MAGI2: variants seen among roughly 807,000 people sequenced by gnomAD.
MAGI2 encodes membrane-associated guanylate kinase, WW and PDZ domain-containing protein 2.
In MAGI2, 35 loss-of-function variants were observed where a neutral mutation model predicts 133.3. The observed-to-expected ratio is 0.26, with a 90% CI of 0.20 to 0.35. The LOEUF (loss-of-function observed/expected upper bound fraction) is 0.35, where lower values mean the gene tolerates loss of function less well. MAGI2 is among the 10% of genes least tolerant of loss of function. The pLI is 1.00. For missense variants in MAGI2, 1,636 were observed against 1,863.4 expected (o/e 0.88, Z 2.25); for synonymous variants, 729 against 710.6 (o/e 1.03, Z -0.41).
At chr7:79,226,352 G>A (rs1830854183) in intron 1 of MAGI2, among the ~76,000 whole-genome samples, 2 of 152,040 alleles carry the variant, frequency 1.3e-5, no homozygotes, top group Non-Finnish European at 2.9e-5. Flanking sequence ...AGCATTGCAA[G>A]GGAATGTTTA....
intron 2 of MAGI2, among the ~76,000 whole-genome samples, chr7:78,850,948 T>C (rs1051631889): frequency 2.0e-5 from 3 of 152,152 alleles, no homozygotes; most frequent in African/African-American, 7.2e-5. Context: ...ATTTTCACTA[T>C]ATTTTAAACA....
chr7:79,350,855 G>A (rs1400652153), intron 1 of MAGI2, among the ~76,000 whole-genome samples: 4 of 152,084 alleles, frequency 2.6e-5, no homozygotes, highest in Non-Finnish European at 5.9e-5. Flanking sequence ...TTAAGAAAAG[G>A]ACCTCAAAAG....
At chr7:79,062,525 G>A (rs964781518) in intron 1 of MAGI2, among the ~76,000 whole-genome samples, 1 of 152,026 alleles carries the variant, frequency 6.6e-6, no homozygotes, top group Non-Finnish European at 1.5e-5. Context: ...TTCATTGAAT[G>A]GAAATGGTGA....
chr7:79,175,719 G>A (rs1826033568), intron 1 of MAGI2, among the ~76,000 whole-genome samples: 1 of 152,016 alleles, frequency 6.6e-6, no homozygotes, highest in Non-Finnish European at 1.5e-5. Context: ...TGTACAGCAT[G>A]TTACTGTACT....
At chr7:78,103,773 T>A (rs1315177757) in intron 20 of MAGI2, among the ~76,000 whole-genome samples, 1 of 152,256 alleles carries the variant, frequency 6.6e-6, no homozygotes, top group African/African-American at 2.4e-5. Flanking sequence ...AAAAGTACAG[T>A]GCACATGAAT....
intron 1 of MAGI2, among the ~76,000 whole-genome samples, chr7:79,066,312 T>C (rs911578603): frequency 9.3e-5 from 14 of 151,336 alleles, no homozygotes; most frequent in Non-Finnish European, 1.5e-4. Context: ...ATTTCTTTAA[T>C]GACCAGTGAT....
At chr7:78,940,035 A>G (rs187823342) in intron 2 of MAGI2, among the ~76,000 whole-genome samples, 1 of 152,176 alleles carries the variant, frequency 6.6e-6, no homozygotes, top group South Asian at 2.1e-4. Flanking sequence ...GAAAAAACAA[A>G]ACCAATATAA....
intron 21 of MAGI2, among the ~76,000 whole-genome samples, chr7:78,027,722 T>C (rs937856827): frequency 1.3e-5 from 2 of 151,994 alleles, no homozygotes; most frequent in Non-Finnish European, 2.9e-5. Context: ...GATAGTACTA[T>C]CTACTTAAAA....
intron 9 of MAGI2, among the ~76,000 whole-genome samples, chr7:78,313,313 A>C (rs1369519842): frequency 1.3e-5 from 2 of 152,146 alleles, no homozygotes; most frequent in Non-Finnish European, 2.9e-5. Flanking sequence ...TCTATGTAAC[A>C]AAATTGTACT....
At chr7:79,447,249 A>G (rs188812812) in intron 1 of MAGI2, among the ~76,000 whole-genome samples, 1 of 152,150 alleles carries the variant, frequency 6.6e-6, no homozygotes, top group African/African-American at 2.4e-5. Context: ...AGTCTTTAAC[A>G]ATGTAAATTC....
chr7:78,604,254 G>A (rs1035613664), intron 3 of MAGI2, among the ~76,000 whole-genome samples: 4 of 152,320 alleles, frequency 2.6e-5, no homozygotes, highest in African/African-American at 9.6e-5. Context: ...GGATGGCCCT[G>A]AGATGGAAGA....
intron 1 of MAGI2, among the ~76,000 whole-genome samples, chr7:79,180,312 A>C (rs551309201): frequency 1.3e-5 from 2 of 152,122 alleles, no homozygotes; most frequent in African/African-American, 4.8e-5. Context: ...AGACATACTC[A>C]AGACTAGGCA....
At chr7:78,080,069 C>T (rs575409235) in intron 20 of MAGI2, among the ~76,000 whole-genome samples, 7 of 152,204 alleles carry the variant, frequency 4.6e-5, no homozygotes, top group Non-Finnish European at 8.8e-5. Context: ...TAGAAAAACT[C>T]TTTATAGCTA....
At chr7:78,678,156 A>T (rs768963274) in intron 2 of MAGI2, among the ~76,000 whole-genome samples, 1 of 152,120 alleles carries the variant, frequency 6.6e-6, no homozygotes, top group Non-Finnish European at 1.5e-5. Context: ...ACTAGTGGAA[A>T]ACTAATTTCG....
At chr7:79,349,353 A>C (rs1423456899) in intron 1 of MAGI2, among the ~76,000 whole-genome samples, 5 of 151,900 alleles carry the variant, frequency 3.3e-5, no homozygotes, top group Non-Finnish European at 2.9e-5. Context: ...TCTGGTTGCT[A>C]TTTCTATCTT....
At chr7:79,215,599 G>T (rs974744611) in intron 1 of MAGI2, among the ~76,000 whole-genome samples, 1 of 151,870 alleles carries the variant, frequency 6.6e-6, no homozygotes, top group Non-Finnish European at 1.5e-5. Context: ...TTCCCAATCA[G>T]AAAATCTTTG....
At chr7:78,431,667 C>T (rs1301024993) in intron 6 of MAGI2, among the ~76,000 whole-genome samples, 2 of 152,058 alleles carry the variant, frequency 1.3e-5, no homozygotes, top group Non-Finnish European at 2.9e-5. Flanking sequence ...CGCCATGACC[C>T]AGAGACTTTC....
At chr7:78,281,238 C>CT (rs1337205419) in intron 9 of MAGI2, among the ~76,000 whole-genome samples, 1 of 152,024 alleles carries the variant, frequency 6.6e-6, no homozygotes, top group African/African-American at 2.4e-5. Flanking sequence ...TTTTTAAAAA[C>CT]TTTAAAATAC....
intron 1 of MAGI2, among the ~76,000 whole-genome samples, chr7:79,051,825 A>T (rs1812700749): frequency 6.6e-6 from 1 of 152,134 alleles, no homozygotes; most frequent in Non-Finnish European, 1.5e-5. Context: ...ACCATTAGTA[A>T]GTTTTAAACA....
Sources: allele counts gnomAD v4.1 joint callset (sites outside exome capture counted in the v4.1 genomes callset), GRCh38; gene constraint gnomAD v4.1.1; transcripts MANE v1.5; gene names NCBI Gene and HGNC (gene_info 2026-07-23, HGNC 2026-07-21).